The following SLC9A9 variants were observed in gnomAD, a reference collection of about 807,000 sequenced individuals.
SLC9A9 encodes the protein sodium/hydrogen exchanger 9.
In SLC9A9, 62 loss-of-function variants were observed where a neutral mutation model predicts 77.8. The ratio of observed to expected loss-of-function variants is 0.80; its 90% CI spans 0.65 to 0.98. The LOEUF is 0.98. SLC9A9 is among the 50% of genes least tolerant of loss of function. The probability of loss-of-function intolerance (pLI) is 0.00; values close to 1 mark genes in which losing one functional copy is unlikely to be tolerated. For synonymous variants in SLC9A9, 320 were observed against 283.5 expected (o/e 1.13, Z -1.29); for missense variants, 775 against 774.9 (o/e 1.00, Z 0.00).
chr3:143,322,886 A>G (rs887015256), intron 14 of SLC9A9, among the ~76,000 whole-genome samples: 1 of 152,210 alleles, frequency 6.6e-6, no homozygotes, highest in Non-Finnish European at 1.5e-5. Context: ...TGGGGAAAAG[A>G]CACCAAAGAA....
At chr3:143,450,550 A>G (rs2034988130) in intron 12 of SLC9A9, among the ~76,000 whole-genome samples, 1 of 151,518 alleles carries the variant, frequency 6.6e-6, no homozygotes, top group Admixed American at 6.6e-5. Context: ...TTAGTTAACA[A>G]GCATGTATTA....
chr3:143,415,087 C>G (rs1014122506), intron 12 of SLC9A9, among the ~76,000 whole-genome samples: 2 of 152,200 alleles, frequency 1.3e-5, no homozygotes, highest in Non-Finnish European at 2.9e-5. Flanking sequence ...GAGGGGGGCC[C>G]TAACTCTCTT....
At chr3:143,684,183 T>G (rs1933189979) in intron 5 of SLC9A9, among the ~76,000 whole-genome samples, 1 of 152,046 alleles carries the variant, frequency 6.6e-6, no homozygotes, top group Non-Finnish European at 1.5e-5. Context: ...TTGATAAGTA[T>G]TTATTATGTA....
At chr3:143,570,690 A>G (rs960032091) in intron 8 of SLC9A9, among the ~76,000 whole-genome samples, 9 of 152,050 alleles carry the variant, frequency 5.9e-5, no homozygotes, top group Non-Finnish European at 1.3e-4. Context: ...CATTTTTTTC[A>G]TTATAAATTG....
intron 4 of SLC9A9, among the ~76,000 whole-genome samples, chr3:143,711,458 C>A (rs563412657): frequency 6.6e-6 from 1 of 152,144 alleles, no homozygotes; most frequent in African/African-American, 2.4e-5. Flanking sequence ...GTCACTTAGG[C>A]TGGAGTGCGG....
At chr3:143,468,219 A>G (rs1037352307) in intron 11 of SLC9A9, among the ~76,000 whole-genome samples, 2 of 152,214 alleles carry the variant, frequency 1.3e-5, no homozygotes, top group Non-Finnish European at 2.9e-5. Context: ...TAGTATTTGC[A>G]TATTTAGGTT....
intron 8 of SLC9A9, among the ~76,000 whole-genome samples, chr3:143,560,411 T>C (rs2037061804): frequency 6.6e-6 from 1 of 152,174 alleles, no homozygotes; most frequent in Non-Finnish European, 1.5e-5. Flanking sequence ...TTCAAAGGAG[T>C]AGCACAATTT....
intron 8 of SLC9A9, among the ~76,000 whole-genome samples, chr3:143,569,642 T>A (rs1209586819): frequency 6.6e-6 from 1 of 152,068 alleles, no homozygotes; most frequent in Admixed American, 6.6e-5. Context: ...CACTTGGGCT[T>A]TCTAAGGAGG....
chr3:143,365,875 T>C (rs964972420), intron 13 of SLC9A9, among the ~76,000 whole-genome samples: 1 of 152,222 alleles, frequency 6.6e-6, no homozygotes, highest in African/African-American at 2.4e-5. Context: ...AAACTGCTCA[T>C]GTTGAGCTAA....
chr3:143,754,689 G>A (rs2006865426), intron 4 of SLC9A9, among the ~76,000 whole-genome samples: 1 of 152,152 alleles, frequency 6.6e-6, no homozygotes, highest in Non-Finnish European at 1.5e-5. Flanking sequence ...GAAAGCAGAG[G>A]GGTGGAAACT....
At chr3:143,744,464 G>A (rs1014027700) in intron 4 of SLC9A9, among the ~76,000 whole-genome samples, 1 of 152,158 alleles carries the variant, frequency 6.6e-6, no homozygotes, top group Non-Finnish European at 1.5e-5. Flanking sequence ...CCCTGCAGGT[G>A]TCCTTAACTC....
intron 4 of SLC9A9, among the ~76,000 whole-genome samples, chr3:143,755,314 TAC>T (rs901819490): frequency 1.3e-5 from 2 of 152,166 alleles, no homozygotes; most frequent in Non-Finnish European, 2.9e-5. Context: ...TCTACACTGG[TAC>T]ACACATCTAT....
At chr3:143,461,633 C>G (rs916755376) in intron 12 of SLC9A9, among the ~76,000 whole-genome samples, 8 of 152,072 alleles carry the variant, frequency 5.3e-5, no homozygotes, top group African/African-American at 1.9e-4. Flanking sequence ...GCTCAAAATC[C>G]TACAGCTTTA....
At chr3:143,737,160 G>A (rs977419022) in intron 4 of SLC9A9, among the ~76,000 whole-genome samples, 1 of 152,136 alleles carries the variant, frequency 6.6e-6, no homozygotes, top group Non-Finnish European at 1.5e-5. Context: ...ATGCTTTCTA[G>A]ATCTCTTTCG....
chr3:143,791,242 C>A (rs2218637), intron 4 of SLC9A9, among the ~76,000 whole-genome samples: 2 of 152,334 alleles, frequency 1.3e-5, no homozygotes, highest in East Asian at 3.9e-4. Flanking sequence ...GTTTCTTCAA[C>A]TTTCTTGCCA....
chr3:143,397,975 TG>T (rs1213314424), intron 12 of SLC9A9, among the ~76,000 whole-genome samples: 1 of 152,192 alleles, frequency 6.6e-6, no homozygotes, highest in African/African-American at 2.4e-5. Flanking sequence ...CAAATATTTT[TG>T]TGGAGTGATA....
At position 143,299,084 on chromosome 3, in the gene SLC9A9, C is replaced by T. The variant is rs2030405893; in HGVS notation, c.1605-30104G>A. ...TGGGTGCTCAAGAAATGTCAGTTCTCCTTTCTCTTTCTGATGTTCACATTT... is the reference window on the plus strand; with the variant it reads ...TGGGTGCTCAAGAAATGTCAGTTCTTCTTTCTCTTTCTGATGTTCACATTT... On this transcript the variant is annotated intron_variant, in intron 14 of 15. Transcript: ENST00000316549. Among the ~76,000 whole-genome samples, 8 of 152,292 alleles carry T rather than the reference C, an allele frequency of 5.3e-5. No homozygotes were observed. The South Asian group carries it at 1.7e-3, about 32-fold the overall frequency.
chr3:143,323,433 T>C lies in SLC9A9; in HGVS notation c.1604+40051A>G, dbSNP rs375995521. 1.6e-4 allele frequency among the ~76,000 whole-genome samples: 25 copies of C among 152,312 alleles called. No homozygotes were observed. In the East Asian group the frequency reaches 2.5e-3, roughly 15 times the overall value. ...TCATTTGCAGCAACATGGATAGAAC[T>C]GGAGGTCATCATCTTAAGTGGAATA... On this transcript the variant is annotated intron_variant, in intron 14 of 15. Coordinates refer to ENST00000316549, the MANE Select transcript of SLC9A9 (RefSeq NM_173653.4).
At chr3:143,292,067 T>C (rs1275981572) in intron 14 of SLC9A9, among the ~76,000 whole-genome samples, 1 of 152,182 alleles carries the variant, frequency 6.6e-6, no homozygotes, top group Non-Finnish European at 1.5e-5. Flanking sequence ...CTACTCCAGC[T>C]GGATGAGTGG....
Sources: allele counts gnomAD v4.1 joint callset (sites outside exome capture counted in the v4.1 genomes callset), GRCh38; gene constraint gnomAD v4.1.1; transcripts MANE v1.5; gene names NCBI Gene and HGNC (gene_info 2026-07-23, HGNC 2026-07-21).